The following MTFR1 variants were observed in gnomAD, a reference collection of about 807,000 sequenced individuals.
MTFR1 encodes the protein mitochondrial fission regulator 1.
Under a neutral mutation model 38.8 loss-of-function variants are expected in MTFR1, and 28 were observed. The observed-to-expected ratio is 0.72, with a 90% CI of 0.53 to 0.99. MTFR1 has a LOEUF of 0.99. MTFR1 is among the 50% of genes least tolerant of loss of function. MTFR1 has a pLI of 0.00. For synonymous variants in MTFR1, 145 were observed against 137.0 expected (o/e 1.06, Z -0.41); for missense variants, 358 against 395.5 (o/e 0.91, Z 0.81).
At chr8:65,733,426 G>GT (rs1806987595) in intron 3 of MTFR1, among the ~76,000 whole-genome samples, 1 of 152,150 alleles carries the variant, frequency 6.6e-6, no homozygotes, top group Non-Finnish European at 1.5e-5. Flanking sequence ...TCAAACAGAG[G>GT]ATGCAGTCTT....
intron 3 of MTFR1, among the ~76,000 whole-genome samples, chr8:65,757,060 G>A (rs1808267892): frequency 6.6e-6 from 1 of 152,160 alleles, no homozygotes; most frequent in African/African-American, 2.4e-5. Flanking sequence ...GAGGCTCCCT[G>A]AATGCGGTCC....
chr8:65,696,442 A>G (rs1306973887), intron 4 of MTFR1, among the ~76,000 whole-genome samples: 1 of 152,214 alleles, frequency 6.6e-6, no homozygotes, highest in African/African-American at 2.4e-5. Context: ...CTGCAAAACT[A>G]TAGTACAATA....
At position 65,669,960 on chromosome 8, in the gene MTFR1, G is replaced by T. The variant is rs201019084; in HGVS notation, c.8G>T (p.Gly3Val). ...GGAGACTTTGCCATATAAATGCTTG[G>T]CTGGATTAAGCGCCTAATTAGGATG... ML[G>V]WIKRLIRMVF... The change falls in exon 2 of 8, where the codon GGC becomes GTC. Residue 3 changes from glycine to valine, a missense_variant. Transcript: ENST00000262146. 6.2e-7 allele frequency: 1 copy of T among 1,604,242 alleles called. No homozygotes were observed. Among genetic ancestry groups the T allele is most frequent in the African/African-American group, 1.3e-5 (1 of 74,486 alleles).
chr8:65,682,918 T>G, intron 3 of MTFR1: 1 of 985,316 alleles, frequency 1.0e-6, no homozygotes, highest in Non-Finnish European at 1.2e-6. Context: ...TCCATTGCCT[T>G]GGCAATGACA....
chr8:65,693,786 A>T, intron 4 of MTFR1, 27 bp downstream of exon 4: 1 of 1,516,396 alleles, frequency 6.6e-7, no homozygotes, highest in Middle Eastern at 1.7e-4. Flanking sequence ...ATCAGAACTG[A>T]GATGCAATAT....
chr8:65,708,889 C>A, intron 7 of MTFR1, 87 bp from the exon 8 acceptor site: 2 of 1,298,212 alleles, frequency 1.5e-6, no homozygotes, highest in Non-Finnish European at 2.2e-6. Context: ...ACATACCCAG[C>A]CCTCTAATCC....
downstream of MTFR1, among the ~76,000 whole-genome samples, chr8:65,712,687 A>G (rs528545561): frequency 3.2e-4 from 49 of 152,294 alleles, no homozygotes; most frequent in African/African-American, 1.1e-3. Context: ...ACAAGCTGTA[A>G]AGACAGTGCT....
At chr8:65,763,681 T>C (rs970818040) in intron 3 of MTFR1, among the ~76,000 whole-genome samples, 4 of 152,196 alleles carry the variant, frequency 2.6e-5, no homozygotes, top group Non-Finnish European at 4.4e-5. Context: ...ACGCTGAACA[T>C]AGCATAGCTC....
chr8:65,727,431 T>TG, intron 3 of MTFR1: 2 of 1,334,032 alleles, frequency 1.5e-6, no homozygotes, highest in Non-Finnish European at 2.0e-6. Context: ...ATTCCTCAGG[T>TG]GGTTGTTCAT....
intron 3 of MTFR1, among the ~76,000 whole-genome samples, chr8:65,768,628 T>C (rs911843647): frequency 6.6e-6 from 1 of 152,190 alleles, no homozygotes; most frequent in Non-Finnish European, 1.5e-5. Flanking sequence ...TAATACAAAT[T>C]CTTACTGATA....
chr8:65,741,425 C>CAGGCA (rs1388526313), intron 3 of MTFR1, among the ~76,000 whole-genome samples: 4 of 152,166 alleles, frequency 2.6e-5, no homozygotes, highest in Non-Finnish European at 5.9e-5. Flanking sequence ...TTATCTAAAA[C>CAGGCA]TGCCTAACCA....
intron 3 of MTFR1, chr8:65,727,994 A>G (rs906180070): frequency 5.9e-5 from 9 of 152,230 alleles, no homozygotes; most frequent in African/African-American, 2.2e-4. Context: ...TTAGCTGACA[A>G]ATGTTCAATG....
chr8:65,663,401 C>T (rs373265052), intron 1 of MTFR1, among the ~76,000 whole-genome samples: 1 of 151,718 alleles, frequency 6.6e-6, no homozygotes, highest in Non-Finnish European at 1.5e-5. Flanking sequence ...TGTGGAAGGC[C>T]GCAGGGTCCT....
chr8:65,708,540 A>C (rs1805852162), intron 7 of MTFR1, among the ~76,000 whole-genome samples: 2 of 152,128 alleles, frequency 1.3e-5, no homozygotes, highest in African/African-American at 4.8e-5. Context: ...ATTTCATGGA[A>C]GCTCCCACAT....
intron 1 of MTFR1, among the ~76,000 whole-genome samples, chr8:65,648,855 T>C (rs1255044826): frequency 6.6e-6 from 1 of 152,134 alleles, no homozygotes; most frequent in Non-Finnish European, 1.5e-5. Context: ...ACAGAGTCTT[T>C]CTTTGTTGCC....
intron 3 of MTFR1, among the ~76,000 whole-genome samples, chr8:65,732,346 G>A (rs1056860816): frequency 1.3e-5 from 2 of 152,030 alleles, no homozygotes; most frequent in Middle Eastern, 3.4e-3. Context: ...TTTGTTTAAT[G>A]ACTGCCTCCC....
chr8:65,697,251 T>C lies in MTFR1; in HGVS notation c.281+3492T>C, dbSNP rs377445983. On this transcript the variant is annotated intron_variant, in intron 4 of 7. Transcript: ENST00000262146. ...CTGCCTGCCTCAGCCTCCCTAAGTG[T>C]TGGGATTACAGGCGTGAGCCACCGC... Among the ~76,000 whole-genome samples the C allele has an allele frequency of 5.0e-4, 75 of 150,688 alleles. 1 individual carries two copies. The East Asian group carries it at 0.013, about 25-fold the overall frequency.
At chr8:65,663,435 T>G (rs2129049659) in intron 1 of MTFR1, among the ~76,000 whole-genome samples, 1 of 151,746 alleles carries the variant, frequency 6.6e-6, no homozygotes, top group Non-Finnish European at 1.5e-5. Flanking sequence ...CCAGAGACCT[T>G]TGTTCACTTG....
intron 2 of MTFR1, among the ~76,000 whole-genome samples, chr8:65,716,617 G>A (rs9650151): frequency 0.32 from 47,876 of 151,940 alleles, 9,788 homozygotes; most frequent in Non-Finnish European, 0.46. Context: ...CTCATAATTT[G>A]GCTTCCCAGG....
Sources: gnomAD v4.1 joint callset for allele counts (sites outside exome capture counted in the v4.1 genomes callset) on GRCh38, gnomAD v4.1.1 for gene constraint, MANE v1.5 for transcripts, NCBI Gene and HGNC (gene_info 2026-07-23, HGNC 2026-07-21) for gene names.